The following OPALIN variants were observed in gnomAD, a reference collection of about 807,000 sequenced individuals.
OPALIN encodes transmembrane protein 10.
OPALIN carries 15 observed loss-of-function variants against 17.8 expected under a neutral mutation model. That is an observed-to-expected ratio of 0.84 (90% confidence interval 0.56 to 1.29). The LOEUF (loss-of-function observed/expected upper bound fraction) is 1.29. OPALIN is among the 50% of genes most tolerant of loss of function. The pLI, the probability that OPALIN is intolerant of heterozygous loss-of-function variation, is 0.00. For missense variants in OPALIN, 170 were observed against 176.0 expected, an observed-to-expected ratio of 0.97 and a Z score of 0.19; for synonymous variants, 62 against 63.8, an observed-to-expected ratio of 0.97 and a Z score of 0.14.
intron 3 of OPALIN, 22 bp downstream of exon 3, chr10:96,351,356 T>C (rs988185615): frequency 1.4e-6 from 2 of 1,417,556 alleles, no homozygotes; most frequent in African/African-American, 1.4e-5. Context: ...CCCCATTTTA[T>C]AAATTTAAGT....
intron 1 of OPALIN, 95 bp from the exon 2 acceptor site, chr10:96,355,385 G>A: frequency 1.7e-6 from 2 of 1,158,604 alleles, no homozygotes; most frequent in Non-Finnish European, 2.6e-6. Context: ...GATTCCGAGA[G>A]GTCATTGATC....
intron 2 of OPALIN, among the ~76,000 whole-genome samples, chr10:96,352,998 C>T (rs917521879): frequency 3.3e-5 from 5 of 152,176 alleles, no homozygotes; most frequent in African/African-American, 1.2e-4. Flanking sequence ...CCCATATTGA[C>T]TTATTTATTC....
At chr10:96,354,200 C>T (rs1398322565) in intron 2 of OPALIN, among the ~76,000 whole-genome samples, 1 of 152,034 alleles carries the variant, frequency 6.6e-6, no homozygotes, top group African/African-American at 2.4e-5. Flanking sequence ...ACAACCTTGG[C>T]TCTTAGTGTT....
rs1845192491 is a variant in OPALIN, at chr10:96,343,775, T to C, written c.*2166A>G. 2.6e-5 allele frequency: 4 copies of C among 152,168 alleles called. No homozygotes were observed. Among genetic ancestry groups the C allele is most frequent in the Non-Finnish European group, 4.4e-5 (3 of 68,024 alleles). The allele number at this position is 152,168 out of a possible 1,614,324, so 9.4% of individuals were successfully genotyped here. On this transcript the variant is annotated 3_prime_UTR_variant, in exon 6 of 6. Transcript: ENST00000371172. ...AGCAGGTATTGACATGTGGCAGAGA[T>C]TGGGTTCATAGAACATGTTCTTGGT... is the stretch of plus-strand genomic sequence containing the variant.
chr10:96,353,561 C>T, intron 2 of OPALIN: 1 of 824,132 alleles, frequency 1.2e-6, no homozygotes. Context: ...AGAGACAGTT[C>T]TCAGAGAAAT....
rs570546044 is a variant in OPALIN at position 96,349,758 on chromosome 10, A to G, written c.141T>C (p.Ala47=). 10 of 1,614,078 alleles carry G rather than the reference A, an allele frequency of 6.2e-6. No homozygotes were observed. In the East Asian group the frequency reaches 1.8e-4, roughly 29 times the overall value. ...PLLVATALLV[A]LLFTLIHRRR... is the part of the protein sequence containing the mutation. ...TTCGGTGAATCAAAGTAAATAGTAA[A>G]GCCACCAGCAGGGCTGTGGCCACCA... The change falls in exon 4 of 6, where the codon GCT becomes GCC. Residue 47 remains alanine (A), a synonymous_variant. Transcript: ENST00000371172.
chr10:96,348,333 G>T lies in OPALIN; in HGVS notation c.205C>A (p.Pro69Thr). 1 of 1,538,224 alleles carries T rather than the reference G, an allele frequency of 6.5e-7. No individual in the cohort carries two copies. Among genetic ancestry groups the T allele is most frequent in the Non-Finnish European group, 9.0e-7 (1 of 1,116,402 alleles). Residue 69 changes from proline (P) to threonine (T), a missense_variant, in exon 5 of 6, where the codon CCA (proline) becomes ACA (threonine). Transcript: ENST00000371172. Reference sequence around the variant, plus strand: ...TCATCAATTTCTGAAATTTCACATGGTCTGTCACTTTCCTAAATTGGAAAA... The same window carrying T: ...TCATCAATTTCTGAAATTTCACATGTTCTGTCACTTTCCTAAATTGGAAAA... ...SIEAMEESDR[P>T]CEISEIDDNP...
chr10:96,352,762 T>C (rs1845640343), intron 2 of OPALIN, among the ~76,000 whole-genome samples: 1 of 151,702 alleles, frequency 6.6e-6, no homozygotes, highest in African/African-American at 2.4e-5. Context: ...GGTGGGAAGC[T>C]GGTTTCTCCA....
At position 96,355,273 on chromosome 10, in the gene OPALIN, G is replaced by A. The variant is rs201844051; in HGVS notation, c.21C>T (p.Phe7=). 4 of 1,614,028 alleles carry A rather than the reference G, an allele frequency of 2.5e-6. No homozygotes were observed. The highest frequency in any genetic ancestry group is 3.4e-6 in the Non-Finnish European group (4 of 1,179,972). The change falls in exon 2 of 6, where the codon TTC becomes TTT. Residue 7 remains phenylalanine (F), a synonymous_variant. Transcript: ENST00000371172. ...TACTTACTGTGTTCGCCGGCAGGGT[G>A]AAGTTCAGTGAAAAACTCTGCAAGA... MSFSLN[F]TLPANTTSSP... is the part of the protein sequence containing the mutation.
intron 4 of OPALIN, 103 bp from the exon 5 acceptor site, chr10:96,348,448 G>T (rs770169126): frequency 1.7e-6 from 1 of 574,204 alleles, no homozygotes; most frequent in Non-Finnish European, 3.0e-6. Context: ...TTTTAAATCT[G>T]AGTGTACATT....
rs962797856 is a variant in OPALIN at position 96,344,156 on chromosome 10, T to C, written c.*1785A>G. 2 of 152,248 alleles carry C rather than the reference T, an allele frequency of 1.3e-5. No individual in the cohort carries two copies. The highest frequency in any genetic ancestry group is 2.9e-5 in the Non-Finnish European group (2 of 68,084). 9.4% of individuals were successfully genotyped at this position (152,248 alleles called of 1,614,324 possible). ...CCTAGATATCCAAGGACTTGGTTCTTTTCTCCAAGTAGACTTGGTTCTACT... is the reference window on the plus strand; with the variant it reads ...CCTAGATATCCAAGGACTTGGTTCTCTTCTCCAAGTAGACTTGGTTCTACT... On this transcript the variant is annotated 3_prime_UTR_variant, in exon 6 of 6. Transcript: ENST00000371172.
chr10:96,356,267 C>T lies in OPALIN; in HGVS notation c.4-977G>A, dbSNP rs566476485. Reference sequence around the variant, plus strand: ...GGGCTTGGTCTACACCACAGCTTCCCGTCTTTCCAGCATCCCAAGACCAGA... The same window carrying T: ...GGGCTTGGTCTACACCACAGCTTCCTGTCTTTCCAGCATCCCAAGACCAGA... On this transcript the variant is annotated intron_variant, in intron 1 of 5. Transcript: ENST00000371172. Among the ~76,000 whole-genome samples the T allele has an allele frequency of 1.1e-4, 16 of 152,324 alleles. No individual in the cohort carries two copies. The East Asian group carries it at 1.2e-3, about 11-fold the overall frequency.
intron 3 of OPALIN, among the ~76,000 whole-genome samples, chr10:96,350,361 G>A (rs1418768275): frequency 3.9e-5 from 6 of 152,090 alleles, no homozygotes; most frequent in Non-Finnish European, 8.8e-5. Flanking sequence ...GACTACAGGT[G>A]CATGCCACCA....
Position 96,344,881 on chromosome 10 carries a change from A to C in OPALIN, c.*1060T>G, listed in dbSNP as rs2134005470. The C allele has an allele frequency of 6.6e-6, 1 of 152,360 alleles. No individual in the cohort carries two copies. The highest frequency in any genetic ancestry group is 2.1e-4 in the South Asian group (1 of 4,818). 9.4% of individuals were successfully genotyped at this position (152,360 alleles called of 1,614,324 possible). On this transcript the variant is annotated 3_prime_UTR_variant, in exon 6 of 6. Transcript: ENST00000371172. ...AAGTGTTGTTTTAATATGAAACATGAATTTCCATCAACATTAACATCTTTA... is the reference window on the plus strand; with the variant it reads ...AAGTGTTGTTTTAATATGAAACATGCATTTCCATCAACATTAACATCTTTA...
intron 3 of OPALIN, 114 bp from the exon 4 acceptor site, chr10:96,349,940 T>C: frequency 2.6e-6 from 3 of 1,155,460 alleles, no homozygotes; most frequent in Non-Finnish European, 3.6e-6. Context: ...ATAAACGTCA[T>C]ATACAAAATC....
At chr10:96,355,660 G>C (rs1052862722) in intron 1 of OPALIN, among the ~76,000 whole-genome samples, 1 of 152,240 alleles carries the variant, frequency 6.6e-6, no homozygotes, top group African/African-American at 2.4e-5. Context: ...ACTCCTTTGA[G>C]ACAGAAAACT....
intron 1 of OPALIN, among the ~76,000 whole-genome samples, chr10:96,358,186 T>TAAAAA (rs61616596): frequency 0.21 from 12,865 of 61,192 alleles, 2,072 homozygotes; most frequent in Non-Finnish European, 0.28. Flanking sequence ...ATGCTTTTTG[T>TAAAAA]AAAAAAAAAA....
chr10:96,348,413 C>A (rs141570706), intron 4 of OPALIN, 68 bp from the exon 5 acceptor site: 2 of 739,062 alleles, frequency 2.7e-6, no homozygotes, highest in Non-Finnish European at 2.2e-6. Context: ...AGCATTTGAC[C>A]GTAACTATGA....
Position 96,351,482 on chromosome 10 carries a change from G to C in OPALIN, c.40-72C>G, listed in dbSNP as rs939312293. ...GAATATACATTATACAAGACAATCT[G>C]CCAAAGTTTAGGCTATAAAGCCTAA... On this transcript the variant is annotated intron_variant, in intron 2 of 5. Transcript: ENST00000371172. 5.3e-6 allele frequency: 5 copies of C among 938,908 alleles called. No individual in the cohort carries two copies. The South Asian group carries it at 1.1e-4, about 20-fold the overall frequency. 58.2% of individuals were successfully genotyped at this position (938,908 alleles called of 1,614,324 possible).
Sources: gnomAD v4.1 joint callset for allele counts (sites outside exome capture counted in the v4.1 genomes callset) on GRCh38, gnomAD v4.1.1 for gene constraint, MANE v1.5 for transcripts, NCBI Gene and HGNC (gene_info 2026-07-23, HGNC 2026-07-21) for gene names.